Variants in DCTD observed in about 807,000 individuals in gnomAD.
The protein encoded by DCTD is deoxycytidylate deaminase.
In DCTD, 23 loss-of-function variants were observed where a neutral mutation model predicts 21.0. The observed-to-expected ratio is 1.09, with a 90% confidence interval of 0.79 to 1.55. DCTD has a LOEUF of 1.55. DCTD is among the 40% of genes most tolerant of loss of function. The pLI is 0.00. For synonymous variants in DCTD, 71 were observed against 81.1 expected (o/e 0.88, Z 0.67); for missense variants, 224 against 230.0 (o/e 0.97, Z 0.17).
intron 5 of DCTD, 22 bp downstream of exon 5, chr4:182,893,009 C>G (rs749086007): frequency 3.3e-6 from 5 of 1,505,292 alleles, no homozygotes; most frequent in Middle Eastern, 1.8e-4. Flanking sequence ...CCCGTCCCCC[C>G]GCCCGCATTC....
chr4:182,911,374 C>T (rs1486308302), intron 3 of DCTD: 3 of 152,224 alleles, frequency 2.0e-5, no homozygotes, highest in Non-Finnish European at 4.4e-5. Context: ...GTCCACTGCA[C>T]TCCCCTTTGA....
chr4:182,913,570 C>T (rs1329743303), intron 3 of DCTD, among the ~76,000 whole-genome samples: 1 of 152,026 alleles, frequency 6.6e-6, no homozygotes, highest in African/African-American at 2.4e-5. Flanking sequence ...TGAGAAAAAC[C>T]CAGAAGAAAA....
chr4:182,915,584 A>T lies in DCTD; in HGVS notation c.-7-9T>A. The T allele has an allele frequency of 6.6e-7, 1 of 1,518,128 alleles. No homozygotes were observed. The highest frequency in any genetic ancestry group is 9.2e-7 in the Non-Finnish European group (1 of 1,092,486). The allele number at this position is 1,518,128 out of a possible 1,614,324, so 94.0% of individuals were successfully genotyped here. On this transcript the variant is annotated splice_polypyrimidine_tract_variant and intron_variant, in intron 1 of 5. Coordinates refer to ENST00000438320, the MANE Select transcript of DCTD (RefSeq NM_001921.3). ...CTTCACTCATGTTGGGTCTAGAAGA[A>T]AAACATGACAAAACAGAAGTTGAGA... is the stretch of plus-strand genomic sequence containing the variant.
At chr4:182,904,231 C>G (rs916099197) in intron 3 of DCTD, among the ~76,000 whole-genome samples, 2 of 152,094 alleles carry the variant, frequency 1.3e-5, no homozygotes, top group African/African-American at 4.8e-5. Flanking sequence ...AATAAAGCCC[C>G]CAGAACTCTA....
intron 4 of DCTD, among the ~76,000 whole-genome samples, chr4:182,893,908 C>T (rs968744750): frequency 1.3e-5 from 2 of 152,152 alleles, no homozygotes; most frequent in Admixed American, 1.3e-4. Flanking sequence ...AATCTCCAGC[C>T]GAGAGTTTTA....
chr4:182,908,421 C>T (rs1737088219), intron 3 of DCTD, among the ~76,000 whole-genome samples: 1 of 152,102 alleles, frequency 6.6e-6, no homozygotes, highest in Admixed American at 6.5e-5. Context: ...GTGACTCAAG[C>T]CTGTAATCCC....
At chr4:182,898,321 C>G (rs948910270) in intron 3 of DCTD, among the ~76,000 whole-genome samples, 1 of 152,224 alleles carries the variant, frequency 6.6e-6, no homozygotes, top group African/African-American at 2.4e-5. Flanking sequence ...GCAACAAGGG[C>G]AGCACGAGGG....
intron 3 of DCTD, among the ~76,000 whole-genome samples, chr4:182,912,408 T>C (rs117162259): frequency 6.6e-6 from 1 of 152,288 alleles, no homozygotes; most frequent in East Asian, 1.9e-4. Context: ...ACAAGCTTAC[T>C]CTCGTGAAAG....
intron 1 of DCTD, chr4:182,916,619 C>T: frequency 7.0e-6 from 7 of 996,958 alleles, no homozygotes; most frequent in Non-Finnish European, 8.4e-6. Flanking sequence ...TCTGAGAGGC[C>T]TGGCAACCCC....
chr4:182,893,755 C>G (rs1579659503), intron 4 of DCTD, among the ~76,000 whole-genome samples: 2 of 152,276 alleles, frequency 1.3e-5, no homozygotes, highest in African/African-American at 4.8e-5. Flanking sequence ...GCGAGGAGAG[C>G]TTCCCAGGAA....
intron 1 of DCTD, chr4:182,916,451 G>A (rs528635060): frequency 1.0e-6 from 1 of 985,574 alleles, no homozygotes; most frequent in South Asian, 4.7e-5. Flanking sequence ...CGAGGAATGT[G>A]GTCTAAAGGA....
In DCTD at chr4:182,890,425, A is replaced by G. The variant is rs1311950456; in HGVS notation, c.*974T>C. 1.3e-5 allele frequency: 2 copies of G among 152,262 alleles called. No homozygotes were observed. Among genetic ancestry groups the G allele is most frequent in the Non-Finnish European group, 2.9e-5 (2 of 68,054 alleles). The allele number at this position is 152,262 out of a possible 1,614,324, so 9.4% of individuals were successfully genotyped here. On this transcript the variant is annotated 3_prime_UTR_variant, in exon 6 of 6. Coordinates refer to ENST00000438320, the MANE Select transcript of DCTD (RefSeq NM_001921.3). ...TCCGAACACCAACAGTGCTGCAGTA[A>G]GCTGTCTCCACGTGGGTGGAATTTC...
At chr4:182,898,381 G>A (rs1735122201) in intron 3 of DCTD, among the ~76,000 whole-genome samples, 1 of 152,236 alleles carries the variant, frequency 6.6e-6, no homozygotes, top group Non-Finnish European at 1.5e-5. Flanking sequence ...CGACAGGGTG[G>A]CTGAGCGCTC....
intron 3 of DCTD, among the ~76,000 whole-genome samples, chr4:182,897,070 A>G (rs534998887): frequency 4.1e-4 from 62 of 152,328 alleles, no homozygotes; most frequent in African/African-American, 1.4e-3. Context: ...GCTCACTGCC[A>G]TGAGCTTCCT....
At chr4:182,915,235 A>G (rs1738512734) in intron 2 of DCTD, among the ~76,000 whole-genome samples, 177 bp from the exon 3 acceptor site, 1 of 152,218 alleles carries the variant, frequency 6.6e-6, no homozygotes, top group South Asian at 2.1e-4. Context: ...CAAGCCAAGG[A>G]AAGTGCACCC....
At chr4:182,893,620 A>G (rs1734200851) in intron 4 of DCTD, among the ~76,000 whole-genome samples, 1 of 152,260 alleles carries the variant, frequency 6.6e-6, no homozygotes, top group African/African-American at 2.4e-5. Context: ...CTCGGCAGCC[A>G]GGAATCCCAA....
At chr4:182,900,559 T>C (rs1001369354) in intron 3 of DCTD, among the ~76,000 whole-genome samples, 1 of 151,070 alleles carries the variant, frequency 6.6e-6, no homozygotes, top group African/African-American at 2.4e-5. Context: ...ATTTCAAAGA[T>C]ACAGTGTCTA....
At chr4:182,901,994 G>C (rs910066789) in intron 3 of DCTD, among the ~76,000 whole-genome samples, 8 of 152,078 alleles carry the variant, frequency 5.3e-5, no homozygotes, top group African/African-American at 1.9e-4. Context: ...GGAAACTTCC[G>C]CTGAGGGATG....
chr4:182,898,890 G>T (rs1735218054), intron 3 of DCTD, among the ~76,000 whole-genome samples: 1 of 152,280 alleles, frequency 6.6e-6, no homozygotes, highest in Admixed American at 6.5e-5. Flanking sequence ...TCAGTTCAAT[G>T]AGTTACACCA....
Sources: allele counts gnomAD v4.1 joint callset (sites outside exome capture counted in the v4.1 genomes callset), GRCh38; gene constraint gnomAD v4.1.1; transcripts MANE v1.5; gene names NCBI Gene and HGNC (gene_info 2026-07-23, HGNC 2026-07-21).